The following CACNA2D3 variants were observed in gnomAD, a reference collection of about 807,000 sequenced individuals.
The protein encoded by CACNA2D3 is calcium voltage-gated channel auxiliary subunit alpha2delta 3.
In CACNA2D3, 60 loss-of-function variants were observed where a neutral mutation model predicts 160.6. The observed-to-expected ratio is 0.37, with a 90% CI of 0.30 to 0.46. The LOEUF is 0.46. CACNA2D3 is among the 20% of genes least tolerant of loss of function. The pLI is 1.00. For synonymous variants in CACNA2D3, 558 were observed against 492.9 expected (o/e 1.13, Z -1.75); for missense variants, 1,205 against 1,365.0 (o/e 0.88, Z 1.85).
chr3:54,705,500 CTTTG>C (rs970753359), intron 11 of CACNA2D3, among the ~76,000 whole-genome samples: 46 of 152,296 alleles, frequency 3.0e-4, no homozygotes, highest in East Asian at 9.6e-4. Flanking sequence ...TGATTTGCTC[CTTTG>C]TTTGTTTTGA....
intron 35 of CACNA2D3, among the ~76,000 whole-genome samples, chr3:55,041,418 G>C (rs999446504): frequency 4.6e-5 from 7 of 152,290 alleles, no homozygotes; most frequent in East Asian, 1.9e-4. Flanking sequence ...AGACTTGCCA[G>C]TGGGGGCATT....
chr3:54,405,832 A>G (rs1056651218), intron 4 of CACNA2D3, among the ~76,000 whole-genome samples: 5 of 139,288 alleles, frequency 3.6e-5, no homozygotes, highest in African/African-American at 1.1e-4. Context: ...AAATTTATAA[A>G]GAACTCATAC....
chr3:55,031,218 T>G (rs910974902), intron 35 of CACNA2D3, among the ~76,000 whole-genome samples: 5 of 152,196 alleles, frequency 3.3e-5, no homozygotes, highest in African/African-American at 7.2e-5. Flanking sequence ...CTGGTGGTTG[T>G]TTGTGCTGTG....
chr3:54,596,435 C>T (rs542275809), intron 9 of CACNA2D3, among the ~76,000 whole-genome samples: 2 of 152,264 alleles, frequency 1.3e-5, no homozygotes, highest in South Asian at 2.1e-4. Flanking sequence ...ATGGCAAACT[C>T]CCTATTAGTA....
At chr3:54,923,234 T>A (rs1264693260) in intron 27 of CACNA2D3, among the ~76,000 whole-genome samples, 2 of 152,202 alleles carry the variant, frequency 1.3e-5, no homozygotes, top group Non-Finnish European at 2.9e-5. Context: ...TTCTGCATGA[T>A]CTGACCCCCA....
chr3:54,948,377 C>T (rs186219393), intron 27 of CACNA2D3, among the ~76,000 whole-genome samples: 71 of 152,306 alleles, frequency 4.7e-4, no homozygotes, highest in African/African-American at 1.7e-3. Context: ...AATTAAAATG[C>T]TCCCAAGAGG....
chr3:54,500,523 T>TCCTC, intron 4 of CACNA2D3, among the ~76,000 whole-genome samples: 1 of 147,972 alleles, frequency 6.8e-6, no homozygotes, highest in Middle Eastern at 3.4e-3. Flanking sequence ...CTTCCTTCCT[T>TCCTC]CCTTCCTTCC....
At chr3:54,657,543 C>T (rs542147053) in intron 11 of CACNA2D3, among the ~76,000 whole-genome samples, 1 of 152,256 alleles carries the variant, frequency 6.6e-6, no homozygotes, top group East Asian at 1.9e-4. Flanking sequence ...TCTCTCCCTG[C>T]CGGCCCCTAG....
At chr3:54,906,580 G>T (rs966923357) in intron 27 of CACNA2D3, among the ~76,000 whole-genome samples, 3 of 152,308 alleles carry the variant, frequency 2.0e-5, no homozygotes, top group African/African-American at 7.2e-5. Context: ...CATATTCCAC[G>T]TGGGTGCTGT....
chr3:54,299,444 T>C (rs1703423241), intron 2 of CACNA2D3, among the ~76,000 whole-genome samples: 1 of 152,216 alleles, frequency 6.6e-6, no homozygotes, highest in Non-Finnish European at 1.5e-5. Context: ...AAAGTTAATT[T>C]TCACTTTCGG....
intron 4 of CACNA2D3, among the ~76,000 whole-genome samples, chr3:54,489,856 C>T (rs532335077): frequency 6.0e-4 from 92 of 152,092 alleles, no homozygotes; most frequent in African/African-American, 2.1e-3. Flanking sequence ...AACTGTGACA[C>T]TTGGGGGATT....
chr3:54,920,279 G>T (rs1446038481), intron 27 of CACNA2D3, among the ~76,000 whole-genome samples: 1 of 152,282 alleles, frequency 6.6e-6, no homozygotes, highest in Admixed American at 6.5e-5. Context: ...GTCATAAGTG[G>T]CCCTGTAAGT....
chr3:54,804,277 C>G (rs1401574794), intron 13 of CACNA2D3, among the ~76,000 whole-genome samples: 2 of 151,880 alleles, frequency 1.3e-5, no homozygotes, highest in Non-Finnish European at 2.9e-5. Context: ...GATAAAGAGT[C>G]AAGACCCATC....
intron 35 of CACNA2D3, among the ~76,000 whole-genome samples, chr3:55,058,900 A>T (rs955939836): frequency 2.0e-5 from 3 of 152,092 alleles, no homozygotes; most frequent in African/African-American, 7.2e-5. Flanking sequence ...AAGTAGAAGG[A>T]TTTAAACGGT....
chr3:54,929,908 TC>T (rs1701142821), intron 27 of CACNA2D3, among the ~76,000 whole-genome samples: 1 of 152,178 alleles, frequency 6.6e-6, no homozygotes, highest in South Asian at 2.1e-4. Context: ...AACTTAACAC[TC>T]CTTCTAAGAA....
At chr3:55,067,441 T>C (rs1444143293) in intron 35 of CACNA2D3, among the ~76,000 whole-genome samples, 1 of 152,206 alleles carries the variant, frequency 6.6e-6, no homozygotes, top group Non-Finnish European at 1.5e-5. Flanking sequence ...ATGGGCATAA[T>C]TTTATCTTAT....
intron 2 of CACNA2D3, among the ~76,000 whole-genome samples, chr3:54,297,899 AT>A (rs1703376994): frequency 6.6e-6 from 1 of 152,180 alleles, no homozygotes; most frequent in Non-Finnish European, 1.5e-5. Flanking sequence ...ATTGTGGTCC[AT>A]GGACCACTAG....
intron 17 of CACNA2D3, among the ~76,000 whole-genome samples, chr3:54,862,208 A>C (rs1289833424): frequency 6.6e-6 from 1 of 152,182 alleles, no homozygotes; most frequent in Non-Finnish European, 1.5e-5. Flanking sequence ...CATTTGAGAA[A>C]GGAGAGAGAC....
chr3:54,550,491 G>T (rs1287948037), intron 5 of CACNA2D3, among the ~76,000 whole-genome samples: 2 of 152,196 alleles, frequency 1.3e-5, no homozygotes, highest in African/African-American at 2.4e-5. Flanking sequence ...GGCGGTCAAG[G>T]ATACCACTTC....
Sources: allele counts gnomAD v4.1 joint callset (sites outside exome capture counted in the v4.1 genomes callset), GRCh38; gene constraint gnomAD v4.1.1; transcripts MANE v1.5; gene names NCBI Gene and HGNC (gene_info 2026-07-23, HGNC 2026-07-21).